CEP89: variants seen among roughly 807,000 people sequenced by gnomAD.
The protein encoded by CEP89 is centrosomal protein of 89 kDa.
In CEP89, 95 loss-of-function variants were observed where a neutral mutation model predicts 97.6. The observed-to-expected ratio is 0.97, with a 90% CI of 0.82 to 1.15. CEP89 has a LOEUF of 1.15. CEP89 is among the 50% of genes most tolerant of loss of function. The pLI is 0.00. For missense variants in CEP89, 869 were observed against 947.7 expected (o/e 0.92, Z 1.09); for synonymous variants, 354 against 349.1 (o/e 1.01, Z -0.16).
At chr19:32,898,840 C>A (rs1007480063) in intron 16 of CEP89, among the ~76,000 whole-genome samples, 2 of 148,988 alleles carry the variant, frequency 1.3e-5, no homozygotes, top group African/African-American at 5.0e-5. Context: ...CGAGATCACG[C>A]CACTGCACTC....
chr19:32,937,691 T>TA lies in CEP89; in HGVS notation c.625-19dup, dbSNP rs761701496. ...TTTTCATCCTAGGAAAGAAAGAACA[T>TA]AAGAGGAATAAGTGCAGAGCATTAG... On this transcript the variant is annotated intron_variant, in intron 6 of 18. Coordinates refer to ENST00000305768, the MANE Select transcript of CEP89 (RefSeq NM_032816.5). 1 of 1,585,790 alleles carries TA rather than the reference T, an allele frequency of 6.3e-7. No individual in the cohort carries two copies. The highest frequency in any genetic ancestry group is 8.6e-7 in the Non-Finnish European group (1 of 1,157,214).
Position 32,887,780 on chromosome 19 carries a change from C to T in CEP89, c.1937G>A (p.Arg646His), listed in dbSNP as rs536181102. The T allele has an allele frequency of 2.4e-5, 39 of 1,613,086 alleles. No individual in the cohort carries two copies. Among genetic ancestry groups the T allele is most frequent in the South Asian group, 8.8e-5 (8 of 91,048 alleles). The change falls in exon 17 of 19, where the codon CGC becomes CAC. Residue 646 changes from arginine (R) to histidine (H), a missense_variant. Transcript: ENST00000305768. ...GACTTTTTCCTCTAACTTTCCCAGG[C>T]GAATGTTGCTTTTTATGACTTTATT... ...VLNKVIKSNI[R>H]LGKLEEKVKG...
chr19:32,921,450 A>C (rs915276544), intron 12 of CEP89, among the ~76,000 whole-genome samples: 11 of 151,478 alleles, frequency 7.3e-5, no homozygotes, highest in Non-Finnish European at 1.5e-4. Flanking sequence ...CAAGCCTGAC[A>C]CTCTCCCCAT....
chr19:32,909,601 T>C (rs1969956470), intron 14 of CEP89, among the ~76,000 whole-genome samples: 2 of 152,012 alleles, frequency 1.3e-5, no homozygotes. Context: ...AAGAACAAAA[T>C]GCCATGAGAA....
At chr19:32,896,011 G>T (rs1969633650) in intron 16 of CEP89, among the ~76,000 whole-genome samples, 1 of 152,160 alleles carries the variant, frequency 6.6e-6, no homozygotes, top group Admixed American at 6.6e-5. Flanking sequence ...TGGATGCGAA[G>T]AATTAACATC....
intron 5 of CEP89, among the ~76,000 whole-genome samples, chr19:32,945,083 G>C (rs1407086838): frequency 6.6e-6 from 1 of 152,040 alleles, no homozygotes; most frequent in Non-Finnish European, 1.5e-5. Context: ...CAGACCCTTC[G>C]AGACCAGTCT....
chr19:32,907,069 A>C (rs1459369864), intron 14 of CEP89, among the ~76,000 whole-genome samples: 1 of 152,218 alleles, frequency 6.6e-6, no homozygotes, highest in Non-Finnish European at 1.5e-5. Context: ...TTAAGGAAGA[A>C]AGACCAGGGG....
chr19:32,963,981 C>T (rs188110009), intron 2 of CEP89: 11 of 147,344 alleles, frequency 7.5e-5, no homozygotes, highest in Admixed American at 2.0e-4. Flanking sequence ...CACACACACA[C>T]TCTGACCAAA....
At chr19:32,879,405 C>A (rs115700149) in intron 18 of CEP89, 27 bp from the exon 19 acceptor site, 1 of 1,579,610 alleles carries the variant, frequency 6.3e-7, no homozygotes, top group Non-Finnish European at 8.7e-7. Context: ...TAAAATGGCA[C>A]AATTTTAAAA....
intron 13 of CEP89, among the ~76,000 whole-genome samples, chr19:32,916,285 A>G (rs1455846373): frequency 6.6e-6 from 1 of 152,206 alleles, no homozygotes; most frequent in Non-Finnish European, 1.5e-5. Flanking sequence ...CTCCAAAAAC[A>G]AAAACCAAAA....
At chr19:32,968,199 T>G (rs1197041778) in intron 1 of CEP89, among the ~76,000 whole-genome samples, 1 of 152,136 alleles carries the variant, frequency 6.6e-6, no homozygotes, top group East Asian at 1.9e-4. Flanking sequence ...ACAGTTTCCA[T>G]GTTTCCACCC....
At chr19:32,918,197 GA>G in intron 13 of CEP89, 26 bp downstream of exon 13, 1 of 1,515,394 alleles carries the variant, frequency 6.6e-7, no homozygotes, top group Non-Finnish European at 9.2e-7. Flanking sequence ...ATCAATGCAT[GA>G]CCAGTCCTCA....
rs1454974786 is a variant in CEP89, at chr19:32,881,924, C to A, written c.2055G>T (p.Gln685His). The A allele has an allele frequency of 2.5e-6, 4 of 1,604,746 alleles. No individual in the cohort carries two copies. Among genetic ancestry groups the A allele is most frequent in the Non-Finnish European group, 2.5e-6 (3 of 1,176,980 alleles). ...QQEDFAGKTA[Q>H]YRQEMRHLHQ... ...GCAGGTGCCGCATCTCCTGCCGGTA[C>A]TGGGCTGTCTTGCCGGCGAAGTCCT... is the stretch of plus-strand genomic sequence containing the variant. Residue 685 changes from glutamine to histidine, a missense_variant, in exon 18 of 19, where the codon CAG becomes CAT. Coordinates refer to ENST00000305768, the MANE Select transcript of CEP89 (RefSeq NM_032816.5).
In CEP89 at chr19:32,879,383, G is replaced by A. The variant is rs943797423; in HGVS notation, c.2136-5C>T. On this transcript the variant is annotated splice_polypyrimidine_tract_variant and splice_region_variant and intron_variant, in intron 18 of 18. Transcript: ENST00000305768. The stretch of plus-strand genomic sequence containing the variant: ...TCAAGTTCACCTTCCATTTCTCTGA[G>A]GGAAATAAGTTTAAAATGGCACAAT... 2 of 1,610,746 alleles carry A rather than the reference G, an allele frequency of 1.2e-6. No homozygotes were observed. Among genetic ancestry groups the A allele is most frequent in the African/African-American group, 1.3e-5 (1 of 74,868 alleles).
chr19:32,937,416 C>T (rs1333846173), intron 7 of CEP89: 2 of 538,832 alleles, frequency 3.7e-6, no homozygotes, highest in Non-Finnish European at 6.7e-6. Flanking sequence ...TCCACGTCCC[C>T]CCAGGTCCAA....
chr19:32,888,957 G>A (rs1255517330), intron 16 of CEP89, among the ~76,000 whole-genome samples: 6 of 151,936 alleles, frequency 3.9e-5, no homozygotes, highest in African/African-American at 1.4e-4. Flanking sequence ...CTACAGGCAC[G>A]CGCCACCATG....
chr19:32,881,941 C>G lies in CEP89; in HGVS notation c.2038G>C (p.Ala680Pro), dbSNP rs770609431. The change falls in exon 18 of 19, where the codon GCC becomes CCC. Residue 680 changes from alanine (A) to proline (P), a missense_variant. Coordinates refer to ENST00000305768, the MANE Select transcript of CEP89 (RefSeq NM_032816.5). Reference sequence around the variant, plus strand: ...TGCCGGTACTGGGCTGTCTTGCCGGCGAAGTCCTCCTGCTGCTCCAGCAGA... The same window carrying G: ...TGCCGGTACTGGGCTGTCTTGCCGGGGAAGTCCTCCTGCTGCTCCAGCAGA... Reference protein sequence around the residue: ...HRLLEQQEDFAGKTAQYRQEM... With the variant: ...HRLLEQQEDFPGKTAQYRQEM... 2.5e-6 allele frequency: 4 copies of G among 1,599,004 alleles called. No homozygotes were observed. In the South Asian group the frequency reaches 4.5e-5, roughly 18 times the overall value.
intron 12 of CEP89, among the ~76,000 whole-genome samples, chr19:32,921,838 T>C (rs919559139): frequency 6.6e-6 from 1 of 152,150 alleles, no homozygotes; most frequent in Non-Finnish European, 1.5e-5. Flanking sequence ...ACCTGACGCA[T>C]CGGTGACCAC....
chr19:32,930,007 C>CTTCCTTTTTT lies in CEP89; in HGVS notation c.1029+1412_1029+1421dup, dbSNP rs1263121299. 2.3e-3 allele frequency among the ~76,000 whole-genome samples: 340 copies of CTTCCTTTTTT among 149,866 alleles called. 3 individuals carry two copies. Among genetic ancestry groups the CTTCCTTTTTT allele is most frequent in the African/African-American group, 7.8e-3 (315 of 40,592 alleles). ...GGAGTGATTCCCAACAGGTATGACA[C>CTTCCTTTTTT]TTCCTTTTTTTTCCTTTTTTTTTTT... On this transcript the variant is annotated intron_variant, in intron 9 of 18. Transcript: ENST00000305768.
Sources: gnomAD v4.1 joint callset for allele counts (sites outside exome capture counted in the v4.1 genomes callset) on GRCh38, gnomAD v4.1.1 for gene constraint, MANE v1.5 for transcripts, NCBI Gene and HGNC (gene_info 2026-07-23, HGNC 2026-07-21) for gene names.